NDUFAF6: variants seen among roughly 807,000 people sequenced by gnomAD.
NDUFAF6 encodes the protein NADH:ubiquinone oxidoreductase complex assembly factor 6.
Under a neutral mutation model 40.8 loss-of-function variants are expected in NDUFAF6, and 45 were observed. That is an observed-to-expected ratio of 1.10 (90% CI 0.87 to 1.42). The LOEUF is 1.42. Ranked by LOEUF, NDUFAF6 falls within the 40% of genes most tolerant of loss-of-function variation. The pLI is 0.00. For missense variants in NDUFAF6, 435 were observed against 418.5 expected, an observed-to-expected ratio of 1.04 and a Z score of -0.34; for synonymous variants, 185 against 155.9, an observed-to-expected ratio of 1.19 and a Z score of -1.39.
intron 2 of NDUFAF6, among the ~76,000 whole-genome samples, chr8:94,985,502 TATATATATATATA>T (rs1337784907): frequency 0.012 from 106 of 8,658 alleles, no homozygotes; most frequent in African/African-American, 0.021. Context: ...TATATATATA[TATATATATATATA>T]TTTTTTTTTT....
intron 2 of NDUFAF6, among the ~76,000 whole-genome samples, chr8:95,009,700 T>G (rs1487402177): frequency 1.3e-5 from 2 of 152,088 alleles, no homozygotes; most frequent in Admixed American, 1.3e-4. Context: ...AAGTTGAGCT[T>G]CTCCTTTTTG....
intron 4 of NDUFAF6, among the ~76,000 whole-genome samples, chr8:95,113,295 AT>A (rs1461948538): frequency 1.3e-5 from 2 of 152,168 alleles, no homozygotes. Context: ...AAATTAAATT[AT>A]TTACTTCAGA....
At chr8:95,114,537 T>C (rs1810086423) in intron 4 of NDUFAF6, among the ~76,000 whole-genome samples, 1 of 152,248 alleles carries the variant, frequency 6.6e-6, no homozygotes, top group Non-Finnish European at 1.5e-5. Flanking sequence ...AGTGATTCAT[T>C]ATTCTATTCC....
At chr8:95,039,827 G>T (rs1007804817) in intron 3 of NDUFAF6, among the ~76,000 whole-genome samples, 9 of 151,966 alleles carry the variant, frequency 5.9e-5, no homozygotes, top group Non-Finnish European at 1.2e-4. Context: ...TTGCTATGTT[G>T]CCCAGGCTGG....
At chr8:95,098,900 C>T (rs1038316941), upstream of NDUFAF6, among the ~76,000 whole-genome samples, 26 of 150,940 alleles carry the variant, frequency 1.7e-4, no homozygotes, top group African/African-American at 5.6e-4. Context: ...CCAGCCTGGG[C>T]GACAGAGTAA....
intron 4 of NDUFAF6, among the ~76,000 whole-genome samples, chr8:95,114,496 T>C (rs1319497825): frequency 6.6e-6 from 1 of 152,254 alleles, no homozygotes; most frequent in Non-Finnish European, 1.5e-5. Context: ...GAGGTGTACT[T>C]CACAGGAACT....
At chr8:95,004,330 T>C (rs1554657365) in intron 2 of NDUFAF6, among the ~76,000 whole-genome samples, 1 of 150,394 alleles carries the variant, frequency 6.6e-6, no homozygotes, top group Non-Finnish European at 1.5e-5. Context: ...GCTGGTATTT[T>C]CTGAGTGTCT....
chr8:95,001,924 T>C (rs1193063155), intron 2 of NDUFAF6, among the ~76,000 whole-genome samples: 1 of 152,238 alleles, frequency 6.6e-6, no homozygotes, highest in African/African-American at 2.4e-5. Context: ...CATTGTAAGC[T>C]TCATGGAACA....
chr8:94,950,877 G>A (rs80320365), intron 2 of NDUFAF6: 87 of 152,170 alleles, frequency 5.7e-4, no homozygotes, highest in African/African-American at 2.0e-3. Flanking sequence ...AGTTTGATAA[G>A]GTTTATCATG....
chr8:95,090,699 G>A (rs1367349386), intron 2 of NDUFAF6, among the ~76,000 whole-genome samples: 2 of 152,130 alleles, frequency 1.3e-5, no homozygotes, highest in African/African-American at 4.8e-5. Context: ...ATTGATCCTG[G>A]GTCTGTGAGG....
chr8:95,042,982 A>T (rs1208271913), intron 4 of NDUFAF6, among the ~76,000 whole-genome samples: 3 of 152,122 alleles, frequency 2.0e-5, no homozygotes, highest in Admixed American at 6.5e-5. Context: ...ACAAAAATGA[A>T]CTCAAACTAA....
chr8:95,008,653 C>T (rs1294483231), intron 2 of NDUFAF6, among the ~76,000 whole-genome samples: 3 of 152,048 alleles, frequency 2.0e-5, no homozygotes, highest in South Asian at 2.1e-4. Flanking sequence ...ATTACAGGCA[C>T]GTGCCACTAC....
chr8:95,115,058 TA>T (rs56365274), intron 4 of NDUFAF6, among the ~76,000 whole-genome samples: 79 of 148,960 alleles, frequency 5.3e-4, no homozygotes, highest in Non-Finnish European at 7.6e-4. Context: ...CGAGACTGTT[TA>T]AAAAAAAAAA....
At chr8:94,991,926 G>T (rs1394461234) in intron 2 of NDUFAF6, among the ~76,000 whole-genome samples, 2 of 151,548 alleles carry the variant, frequency 1.3e-5, no homozygotes, top group Admixed American at 6.6e-5. Flanking sequence ...AAATAAAGCT[G>T]CAGTGAATAT....
chr8:94,971,379 T>G (rs1824447730), intron 1 of NDUFAF6, among the ~76,000 whole-genome samples: 1 of 152,228 alleles, frequency 6.6e-6, no homozygotes, highest in Admixed American at 6.5e-5. Context: ...CCTAACTTCC[T>G]GCTATAAGTG....
In NDUFAF6 at chr8:94,939,554, C is replaced by A. The variant is rs184713938; in HGVS notation, c.-935-5929C>A. ...GGGACTACAGGTGTGCACCACCACA[C>A]CTGGCTAATTTTTTGTTATTTTTTG... is the stretch of plus-strand genomic sequence containing the variant. On this transcript the variant is annotated intron_variant, in intron 1 of 14. Transcript: ENST00000396113. 39 of 323,802 alleles carry A rather than the reference C, an allele frequency of 1.2e-4. No individual in the cohort carries two copies. In the Admixed American group the frequency reaches 1.5e-3, roughly 12 times the overall value. The allele number at this position is 323,802 out of a possible 1,614,324, so 20.1% of individuals were successfully genotyped here. A position where few individuals can be genotyped will look rare whatever the true frequency, so the allele number is the denominator to read the frequency against.
chr8:95,067,464 C>T (rs1332897553), intron 9 of NDUFAF6: 1 of 151,646 alleles, frequency 6.6e-6, no homozygotes, highest in Non-Finnish European at 1.5e-5. Flanking sequence ...CTTCATTTTC[C>T]TGCCCGGGGC....
At chr8:95,035,324 T>C (rs1829365260) in intron 2 of NDUFAF6, 130 bp from the exon 3 acceptor site, 1 of 854,706 alleles carries the variant, frequency 1.2e-6, no homozygotes, top group Non-Finnish European at 1.9e-6. Flanking sequence ...TTCCAAAAAA[T>C]GTAGTCATGT....
intron 1 of NDUFAF6, among the ~76,000 whole-genome samples, chr8:94,963,312 A>T (rs562891094): frequency 6.6e-6 from 1 of 152,350 alleles, no homozygotes; most frequent in African/African-American, 2.4e-5. Context: ...AAGTGAATGA[A>T]GCAGTGGTCC....
Sources: gnomAD v4.1 joint callset for allele counts (sites outside exome capture counted in the v4.1 genomes callset) on GRCh38, gnomAD v4.1.1 for gene constraint, MANE v1.5 for transcripts, NCBI Gene and HGNC (gene_info 2026-07-23, HGNC 2026-07-21) for gene names.